Variants in PSMD11 observed in about 807,000 individuals in gnomAD.
PSMD11 encodes proteasome 26S subunit, non-ATPase 11.
In PSMD11, 5 loss-of-function variants were observed where a neutral mutation model predicts 62.3. The ratio of observed to expected loss-of-function variants is 0.08; its 90% CI spans 0.04 to 0.17. PSMD11 has a LOEUF of 0.17. Ranked by LOEUF, PSMD11 falls within the 10% of genes least tolerant of loss-of-function variation. PSMD11 has a pLI of 1.00. For missense variants in PSMD11, 310 were observed against 512.9 expected (o/e 0.60, Z 3.82); for synonymous variants, 191 against 191.8 (o/e 1.00, Z 0.03).
intron 2 of PSMD11, among the ~76,000 whole-genome samples, chr17:32,453,784 A>C (rs1907571902): frequency 6.6e-6 from 1 of 152,260 alleles, no homozygotes; most frequent in Non-Finnish European, 1.5e-5. Flanking sequence ...ATGTTTCTTT[A>C]GAGTTCATAT....
chr17:32,450,183 G>C (rs531872248), intron 2 of PSMD11, among the ~76,000 whole-genome samples: 1 of 151,564 alleles, frequency 6.6e-6, no homozygotes, highest in Non-Finnish European at 1.5e-5. Flanking sequence ...CTGATCTTGG[G>C]CTCCTGACCT....
chr17:32,459,259 C>G (rs961646832), intron 3 of PSMD11, among the ~76,000 whole-genome samples: 1 of 151,746 alleles, frequency 6.6e-6, no homozygotes, highest in Non-Finnish European at 1.5e-5. Context: ...TGTGCCTTCC[C>G]TATGGTAGAT....
At chr17:32,477,627 G>A (rs1265976136) in intron 9 of PSMD11, 44 bp downstream of exon 9, 3 of 1,514,308 alleles carry the variant, frequency 2.0e-6, no homozygotes, top group East Asian at 2.3e-5. Context: ...GTGGAAGAGA[G>A]GGACGTTTAA....
intron 2 of PSMD11, among the ~76,000 whole-genome samples, chr17:32,449,246 A>C (rs1277138293): frequency 1.3e-5 from 2 of 152,054 alleles, no homozygotes; most frequent in Non-Finnish European, 2.9e-5. Context: ...CTCTACAAAA[A>C]ATAGAAAAAT....
chr17:32,461,981 C>T (rs867530758), intron 3 of PSMD11, among the ~76,000 whole-genome samples: 1 of 152,134 alleles, frequency 6.6e-6, no homozygotes, highest in Admixed American at 6.5e-5. Flanking sequence ...TGATGTTACC[C>T]GTCAGTTCAC....
At position 32,469,239 on chromosome 17, in the gene PSMD11, C is replaced by T. The variant is rs990721637; in HGVS notation, c.643+46C>T. 5 of 1,564,020 alleles carry T rather than the reference C, an allele frequency of 3.2e-6. No homozygotes were observed. The African/African-American group carries it at 6.8e-5, about 21-fold the overall frequency. Reference sequence around the variant, plus strand: ...TGGGATGTGTTTTCTTAAAGCTCATCTTATTTTATAGGTGGAAGGAATGGG... The same window carrying T: ...TGGGATGTGTTTTCTTAAAGCTCATTTTATTTTATAGGTGGAAGGAATGGG... On this transcript the variant is annotated intron_variant, in intron 6 of 13. Coordinates refer to ENST00000261712, the MANE Select transcript of PSMD11 (RefSeq NM_002815.4).
chr17:32,479,564 T>C, intron 10 of PSMD11, 188 bp downstream of exon 10: 2 of 863,018 alleles, frequency 2.3e-6, no homozygotes, highest in Non-Finnish European at 3.5e-6. Context: ...GGTAGAGGCA[T>C]GTGGGTTGCC....
Position 32,480,837 on chromosome 17 carries a change from T to C in PSMD11, c.*85T>C. The C allele has an allele frequency of 1.9e-6, 1 of 531,056 alleles. No homozygotes were observed. Among genetic ancestry groups the C allele is most frequent in the Non-Finnish European group, 3.1e-6 (1 of 322,330 alleles). The allele number at this position is 531,056 out of a possible 1,614,324, so 32.9% of individuals were successfully genotyped here. A position where few individuals can be genotyped will look rare whatever the true frequency, so the allele number is the denominator to read the frequency against. ...GAAAATGCTAGGAGATTCTTTTTTC[T>C]TTTTGTTCTACTTTTCGCTCGGAAA... On this transcript the variant is annotated 3_prime_UTR_variant, in exon 14 of 14. Transcript: ENST00000261712.
chr17:32,479,430 C>T, intron 10 of PSMD11, 54 bp downstream of exon 10: 1 of 1,596,588 alleles, frequency 6.3e-7, no homozygotes, highest in Non-Finnish European at 8.6e-7. Flanking sequence ...CTGTAGCCAC[C>T]TCCCTTCCAC....
At chr17:32,464,485 C>A (rs2302276) in intron 4 of PSMD11, 36 bp from the exon 5 acceptor site, 2 of 1,468,304 alleles carry the variant, frequency 1.4e-6, no homozygotes, top group Non-Finnish European at 1.9e-6. Flanking sequence ...GTGGCTTTTT[C>A]CCCCCCCTTC....
intron 8 of PSMD11, 154 bp from the exon 9 acceptor site, chr17:32,477,367 G>A (rs1412405252): frequency 9.4e-6 from 5 of 529,170 alleles, no homozygotes; most frequent in East Asian, 3.1e-5. Context: ...CAGTACTTGC[G>A]GCTCTTCTTC....
At chr17:32,448,008 A>G (rs1907381106) in intron 2 of PSMD11, among the ~76,000 whole-genome samples, 1 of 150,828 alleles carries the variant, frequency 6.6e-6, no homozygotes, top group Non-Finnish European at 1.5e-5. Flanking sequence ...AGCCTCCGGA[A>G]TAGCTGGAAT....
intron 2 of PSMD11, 23 bp downstream of exon 2, chr17:32,447,069 A>G (rs1972480241): frequency 1.3e-6 from 2 of 1,527,008 alleles, no homozygotes; most frequent in Admixed American, 1.8e-5. Context: ...CATGGATTGT[A>G]TCTGAAATGC....
chr17:32,470,276 A>AT (rs1312452267), intron 6 of PSMD11, among the ~76,000 whole-genome samples: 1 of 151,126 alleles, frequency 6.6e-6, no homozygotes, highest in Non-Finnish European at 1.5e-5. Flanking sequence ...AAGTGCTGGG[A>AT]TTATAGGCAT....
At chr17:32,447,445 A>AT (rs201173449) in intron 2 of PSMD11, 17 of 155,308 alleles carry the variant, frequency 1.1e-4, no homozygotes, top group Middle Eastern at 3.3e-3. Context: ...ACTCACTGTC[A>AT]TTTTTTTTTG....
At chr17:32,477,360 T>C (rs1392040257) in intron 8 of PSMD11, 161 bp from the exon 9 acceptor site, 2 of 513,488 alleles carry the variant, frequency 3.9e-6, no homozygotes, top group African/African-American at 3.9e-5. Context: ...TGGTATTCAG[T>C]ACTTGCGGCT....
intron 3 of PSMD11, among the ~76,000 whole-genome samples, chr17:32,455,447 T>C (rs1235015682): frequency 6.6e-6 from 1 of 152,138 alleles, no homozygotes; most frequent in Non-Finnish European, 1.5e-5. Context: ...AAATGTAAAA[T>C]GGCAGATAAT....
intron 2 of PSMD11, among the ~76,000 whole-genome samples, chr17:32,449,241 CA>C (rs1218888610): frequency 2.0e-5 from 3 of 151,872 alleles, no homozygotes; most frequent in African/African-American, 7.3e-5. Flanking sequence ...CCTGTCTCTA[CA>C]AAAAATAGAA....
chr17:32,453,359 T>C (rs1004295739), intron 2 of PSMD11, among the ~76,000 whole-genome samples: 2 of 152,186 alleles, frequency 1.3e-5, no homozygotes, highest in Admixed American at 1.3e-4. Context: ...CATTAGTGCC[T>C]CTTGAAAGCA....
Sources: allele counts gnomAD v4.1 joint callset (sites outside exome capture counted in the v4.1 genomes callset), GRCh38; gene constraint gnomAD v4.1.1; transcripts MANE v1.5; gene names NCBI Gene and HGNC (gene_info 2026-07-23, HGNC 2026-07-21).